Variants in FAM83G observed in about 807,000 individuals in gnomAD.
FAM83G encodes scaffolding CK1 anchoring protein G, also known as protein FAM83G.
Under a neutral mutation model 61.5 loss-of-function variants are expected in FAM83G, and 38 were observed. That is an observed-to-expected ratio of 0.62 (90% CI 0.48 to 0.81). The LOEUF (loss-of-function observed/expected upper bound fraction) is 0.81. Among genes scored for constraint, FAM83G ranks in the 30% least tolerant of loss-of-function variants. FAM83G has a pLI of 0.00. For synonymous variants in FAM83G, 470 were observed against 476.1 expected (o/e 0.99, Z 0.17); for missense variants, 989 against 1,133.6 (o/e 0.87, Z 1.83).
chr17:18,971,617 C>T lies in FAM83G; in HGVS notation c.2214G>A (p.Met738Ile). 1.9e-6 allele frequency: 3 copies of T among 1,613,430 alleles called. No individual in the cohort carries two copies. The highest frequency in any genetic ancestry group is 2.5e-6 in the Non-Finnish European group (3 of 1,179,948). The change falls in exon 6 of 6, where the codon ATG becomes ATA. Residue 738 changes from methionine to isoleucine, a missense_variant. Met to Ile is a conservative substitution (Grantham distance 10, BLOSUM62 1). Transcript: ENST00000388995. The surrounding 1 kb of genome is among the most constrained non-coding windows in gnomAD (Gnocchi z 5.5). ...QSSTRNAGPA[M>I]AGPHHWQAKG... ...TGGCCTGCCAGTGGTGGGGGCCAGC[C>T]ATGGCTGGGCCAGCGTTTCTGGTAG...
chr17:18,977,706 T>C lies in FAM83G; in HGVS notation c.1960A>G (p.Ile654Val), dbSNP rs2043014724. ...PPRRQLSAPH[I>V]TRGTFVGPQG... ...GGTCCAACAAAGGTCCCTCGGGTTA[T>C]ATGGGGGGCACTCAGCTGCCGGCGC... The change falls in exon 5 of 6, where the codon ATA becomes GTA. Residue 654 changes from isoleucine (I) to valine (V), a missense_variant. Physicochemically the swap from Ile to Val is conservative, Grantham distance 29. Transcript: ENST00000388995. 6.2e-7 allele frequency: 1 copy of C among 1,610,324 alleles called. No individual in the cohort carries two copies.
intron 2 of FAM83G, among the ~76,000 whole-genome samples, chr17:18,991,723 G>C (rs2043430598): frequency 6.6e-6 from 1 of 152,216 alleles, no homozygotes; most frequent in Non-Finnish European, 1.5e-5. Flanking sequence ...AAAGCCGACG[G>C]GCAGCTCCCA....
intron 3 of FAM83G, among the ~76,000 whole-genome samples, chr17:18,982,152 G>A (rs1008876102): frequency 2.0e-4 from 30 of 152,256 alleles, no homozygotes; most frequent in African/African-American, 4.8e-4. Flanking sequence ...CGGCTGGGCC[G>A]CTGACTCGCT....
chr17:18,979,650 C>A lies in FAM83G; in HGVS notation c.714G>T (p.Gly238=). 1 of 1,613,476 alleles carries A rather than the reference C, an allele frequency of 6.2e-7. No homozygotes were observed. The highest frequency in any genetic ancestry group is 1.1e-5 in the South Asian group (1 of 91,062). The change falls in exon 4 of 6, where the codon GGG becomes GGT. Residue 238 remains glycine (G), a synonymous_variant. Coordinates refer to ENST00000388995, the MANE Select transcript of FAM83G (RefSeq NM_001039999.3). ...HLKNLRVRSS[G]GTEFFTRSAT... is the part of the protein sequence containing the mutation. ...CCGACCGCGTGAAGAACTCAGTTCCCCCGCTGCTCCGCACTCTGAGATTCT... is the reference window on the plus strand; with the variant it reads ...CCGACCGCGTGAAGAACTCAGTTCCACCGCTGCTCCGCACTCTGAGATTCT...
In FAM83G at chr17:19,004,052, G is replaced by A. The variant is rs368520280; in HGVS notation, c.-11C>T. ...CTGAGAGAAGGCCATGGCGCCGCCT[G>A]CCCGGGCACTGCTGCCGGGGGTGGG... On this transcript the variant is annotated 5_prime_UTR_variant, in exon 2 of 6. Transcript: ENST00000388995. The surrounding 1 kb of genome is among the most constrained non-coding windows in gnomAD (Gnocchi z 5.4). The A allele has an allele frequency of 8.8e-4, 1,381 of 1,571,970 alleles. 5 individuals carry two copies. The Middle Eastern group carries it at 0.013, about 15-fold the overall frequency.
Position 18,978,833 on chromosome 17 carries a change from G to C in FAM83G, c.833C>G (p.Ala278Gly). 6.2e-7 allele frequency: 1 copy of C among 1,612,076 alleles called. No homozygotes were observed. The highest frequency in any genetic ancestry group is 8.5e-7 in the Non-Finnish European group (1 of 1,179,276). The change falls in exon 5 of 6, where the codon GCG becomes GGG. Residue 278 changes from alanine to glycine, a missense_variant. Physicochemically the swap from Ala to Gly is moderately conservative, Grantham distance 60. Transcript: ENST00000388995. ...AGAGATCACATTCCGGTCCGTCCGC[G>C]CGGCCGACCACGTGAAGCTGCAACA... is the stretch of plus-strand genomic sequence containing the variant. ...CGSYSFTWSA[A>G]RTDRNVISVL...
Position 19,003,883 on chromosome 17 carries a change from C to G in FAM83G, c.159G>C (p.Glu53Asp). 1 of 1,613,080 alleles carries G rather than the reference C, an allele frequency of 6.2e-7. No homozygotes were observed. The highest frequency in any genetic ancestry group is 8.5e-7 in the Non-Finnish European group (1 of 1,179,950). The change falls in exon 2 of 6, where the codon GAG (glutamate) becomes GAC (aspartate). Residue 53 changes from glutamate (E) to aspartate (D), a missense_variant. Transcript: ENST00000388995. The surrounding 1 kb of genome is among the most constrained non-coding windows in gnomAD (Gnocchi z 4.5). ...RDAFYEVLKR[E>D]NIRDFLSELE... ...GCTCCGAGAGGAAGTCTCGGATGTT[C>G]TCCCGCTTGAGCACCTCGTAGAAGG... is the stretch of plus-strand genomic sequence containing the variant.
intron 2 of FAM83G, among the ~76,000 whole-genome samples, chr17:18,993,015 C>T (rs970011249): frequency 4.6e-5 from 7 of 152,186 alleles, no homozygotes; most frequent in South Asian, 2.1e-4. Context: ...CCTCGCAGGA[C>T]GAGTAGGTAG....
intron 5 of FAM83G, among the ~76,000 whole-genome samples, chr17:18,974,963 T>C (rs1466653838): frequency 6.6e-6 from 1 of 152,142 alleles, no homozygotes; most frequent in African/African-American, 2.4e-5. Context: ...CCCTGCCCTA[T>C]TCAGGGGGAC....
chr17:18,993,793 C>T lies in FAM83G; in HGVS notation c.523-5379G>A, dbSNP rs113592762. Among the ~76,000 whole-genome samples the T allele has an allele frequency of 2.1e-3, 316 of 152,344 alleles. 2 individuals carry two copies. The highest frequency in any genetic ancestry group is 6.6e-3 in the African/African-American group (276 of 41,574). On this transcript the variant is annotated intron_variant, in intron 2 of 5. Transcript: ENST00000388995. ...GTGTGGGCTCTGCACCCGCTGGCTC[C>T]GATCTCAGCTCCTCCTGGGAAGCTG...
At chr17:19,001,053 C>T (rs943588229) in intron 2 of FAM83G, among the ~76,000 whole-genome samples, 17 of 152,158 alleles carry the variant, frequency 1.1e-4, no homozygotes, top group African/African-American at 3.9e-4. Context: ...CCCCTCTACC[C>T]GAGAACTAGC....
intron 3 of FAM83G, among the ~76,000 whole-genome samples, chr17:18,984,360 C>A (rs1326986234): frequency 6.8e-6 from 1 of 147,036 alleles, no homozygotes; most frequent in African/African-American, 2.6e-5. Context: ...AAAAAGAGAA[C>A]CCTGCCTTAT....
intron 2 of FAM83G, among the ~76,000 whole-genome samples, chr17:18,994,818 A>T (rs8082572): frequency 0.016 from 2,502 of 152,326 alleles, 64 homozygotes; most frequent in African/African-American, 0.056. Context: ...CAACTACTCA[A>T]ATCTGCTGGT....
At chr17:18,978,911 C>G in intron 4 of FAM83G, 61 bp from the exon 5 acceptor site, 2 of 1,576,570 alleles carry the variant, frequency 1.3e-6, no homozygotes, top group Non-Finnish European at 8.6e-7. Context: ...GCCCAGCCCC[C>G]GTGCACCCAT....
upstream of FAM83G, among the ~76,000 whole-genome samples, chr17:19,005,566 G>T (rs7218780): frequency 2.6e-5 from 4 of 152,122 alleles, no homozygotes; most frequent in African/African-American, 4.8e-5. Context: ...TACTTGCTCT[G>T]GATCTGGATG....
At chr17:18,972,745 C>T (rs1344874258) in intron 5 of FAM83G, among the ~76,000 whole-genome samples, 1 of 152,052 alleles carries the variant, frequency 6.6e-6, no homozygotes, top group Non-Finnish European at 1.5e-5. Flanking sequence ...GCCTGTAGTC[C>T]CAGCTACTCG....
intron 3 of FAM83G, among the ~76,000 whole-genome samples, chr17:18,982,670 C>T (rs1290918881): frequency 6.6e-6 from 1 of 152,170 alleles, no homozygotes. Context: ...CAAACTACAG[C>T]AACCTGCCCC....
chr17:19,001,353 A>G (rs1009235313), intron 2 of FAM83G, among the ~76,000 whole-genome samples: 1 of 152,206 alleles, frequency 6.6e-6, no homozygotes, highest in Non-Finnish European at 1.5e-5. Context: ...TGAGGAGCTT[A>G]GTCTCTACTG....
intron 2 of FAM83G, among the ~76,000 whole-genome samples, chr17:18,999,683 G>A (rs2152140017): frequency 6.6e-6 from 1 of 152,378 alleles, no homozygotes; most frequent in East Asian, 1.9e-4. Context: ...CAGGACTTCA[G>A]TGTGTGAAGG....
Sources: allele counts gnomAD v4.1 joint callset (sites outside exome capture counted in the v4.1 genomes callset), GRCh38; gene constraint gnomAD v4.1.1; non-coding constraint Gnocchi (gnomAD v3.1); transcripts MANE v1.5; gene names NCBI Gene and HGNC (gene_info 2026-07-23, HGNC 2026-07-21).